SIK2: variants seen among roughly 807,000 people sequenced by gnomAD.
SIK2 encodes salt inducible kinase 2.
In SIK2, 29 loss-of-function variants were observed where a neutral mutation model predicts 103.2. That is an observed-to-expected ratio of 0.28 (90% CI 0.21 to 0.38). The LOEUF (loss-of-function observed/expected upper bound fraction) is 0.38. Ranked by LOEUF, SIK2 falls within the 10% of genes least tolerant of loss-of-function variation. SIK2 has a pLI of 1.00. For missense variants in SIK2, 879 were observed against 1,171.0 expected, an observed-to-expected ratio of 0.75 and a Z score of 3.64; for synonymous variants, 412 against 446.1, an observed-to-expected ratio of 0.92 and a Z score of 0.96.
Position 111,726,842 on chromosome 11 carries a change from C to G in SIK2, c.*2713C>G. The G allele has an allele frequency of 1.2e-6, 1 of 830,124 alleles. No homozygotes were observed. The highest frequency in any genetic ancestry group is 2.0e-6 in the Non-Finnish European group (1 of 507,094). The allele number at this position is 830,124 out of a possible 1,614,324, so 51.4% of individuals were successfully genotyped here. ...CTGTATCATCATCAGCTTCATCACC[C>G]TGTAAACCAGGCTCCTCTGAAGAGA... On this transcript the variant is annotated 3_prime_UTR_variant, in exon 15 of 15. Transcript: ENST00000304987.
intron 3 of SIK2, among the ~76,000 whole-genome samples, chr11:111,623,039 TATA>T (rs1246004062): frequency 6.6e-6 from 1 of 152,242 alleles, no homozygotes; most frequent in Admixed American, 6.5e-5. Flanking sequence ...CAGTCAAATG[TATA>T]TTAAACTGTT....
chr11:111,724,313 C>T lies in SIK2; in HGVS notation c.*184C>T. The T allele has an allele frequency of 2.3e-6, 2 of 852,682 alleles. No individual in the cohort carries two copies. Among genetic ancestry groups the T allele is most frequent in the South Asian group, 1.9e-5 (1 of 53,612 alleles). The allele number at this position is 852,682 out of a possible 1,614,324, so 52.8% of individuals were successfully genotyped here. On this transcript the variant is annotated 3_prime_UTR_variant, in exon 15 of 15. Coordinates refer to ENST00000304987, the MANE Select transcript of SIK2 (RefSeq NM_015191.3). ...TTGCTTCCTCCTGGTTCTGCCCCAC[C>T]ACAAAGTTTTCTGTGGCAAGTGCTG...
chr11:111,701,648 T>C lies in SIK2; in HGVS notation c.727+73T>C. 6.5e-7 allele frequency: 1 copy of C among 1,533,386 alleles called. No homozygotes were observed. The highest frequency in any genetic ancestry group is 2.3e-5 in the East Asian group (1 of 43,530). 95.0% of individuals were successfully genotyped at this position (1,533,386 alleles called of 1,614,324 possible). On this transcript the variant is annotated intron_variant, in intron 6 of 14. Coordinates refer to ENST00000304987, the MANE Select transcript of SIK2 (RefSeq NM_015191.3). The surrounding 1 kb of genome is among the most constrained non-coding windows in gnomAD (Gnocchi z 4.2). ...CCAAGTGAAATGCCTAGGTAAAAGC[T>C]TCTTTTTTTCTAAGAGTTTGGGTGC... is the stretch of plus-strand genomic sequence containing the variant.
Position 111,689,978 on chromosome 11 carries a change from G to A in SIK2, c.478+1816G>A, listed in dbSNP as rs561311980. On this transcript the variant is annotated intron_variant, in intron 4 of 14. Coordinates refer to ENST00000304987, the MANE Select transcript of SIK2 (RefSeq NM_015191.3). Reference sequence around the variant, plus strand: ...TTGTTATATTCATTTGTGTGTGTGTGTATGTGTATATATATATATATATCA... The same window carrying A: ...TTGTTATATTCATTTGTGTGTGTGTATATGTGTATATATATATATATATCA... 1.4e-4 allele frequency among the ~76,000 whole-genome samples: 19 copies of A among 131,224 alleles called. No individual in the cohort carries two copies. The East Asian group carries it at 3.5e-3, about 24-fold the overall frequency. The allele number at this position is 131,224 out of a possible 152,430, so 86.1% of individuals were successfully genotyped here.
Position 111,728,147 on chromosome 11 carries a change from T to A in SIK2, c.*4018T>A, listed in dbSNP as rs2135993844. 6.6e-6 allele frequency: 1 copy of A among 152,238 alleles called. No individual in the cohort carries two copies. The highest frequency in any genetic ancestry group is 1.9e-4 in the East Asian group (1 of 5,174). 9.4% of individuals were successfully genotyped at this position (152,238 alleles called of 1,614,324 possible). Reference sequence around the variant, plus strand: ...ACTCCTAAACTGGGCTGCCTCTAACTGCCTCCTGGGAAGCCACCCGAGCCA... The same window carrying A: ...ACTCCTAAACTGGGCTGCCTCTAACAGCCTCCTGGGAAGCCACCCGAGCCA... On this transcript the variant is annotated 3_prime_UTR_variant, in exon 15 of 15. Transcript: ENST00000304987.
In SIK2 at chr11:111,681,994, G is replaced by C. The variant is rs574047234; in HGVS notation, c.317-6007G>C. 3.3e-5 allele frequency among the ~76,000 whole-genome samples: 5 copies of C among 152,284 alleles called. No individual in the cohort carries two copies. The South Asian group carries it at 1.0e-3, about 32-fold the overall frequency. Reference sequence around the variant, plus strand: ...AAGGGTAAGTCCCAGTAAGCCGTGTGTTAACAAGCCCTCTGAGGGTTCTGA... The same window carrying C: ...AAGGGTAAGTCCCAGTAAGCCGTGTCTTAACAAGCCCTCTGAGGGTTCTGA... On this transcript the variant is annotated intron_variant, in intron 3 of 14. Coordinates refer to ENST00000304987, the MANE Select transcript of SIK2 (RefSeq NM_015191.3).
At chr11:111,673,841 A>G (rs1942661057) in intron 3 of SIK2, among the ~76,000 whole-genome samples, 1 of 152,164 alleles carries the variant, frequency 6.6e-6, no homozygotes, top group South Asian at 2.1e-4. Flanking sequence ...TGGGAGGCCA[A>G]GGCAGGTGGA....
At chr11:111,723,396 TAAG>T in intron 14 of SIK2, 97 bp from the exon 15 acceptor site, 2 of 1,306,556 alleles carry the variant, frequency 1.5e-6, no homozygotes, top group Non-Finnish European at 2.1e-6. Context: ...GAGAGAGACT[TAAG>T]TAGAAGACTG....
chr11:111,654,312 A>G (rs1261187245), intron 3 of SIK2, among the ~76,000 whole-genome samples: 1 of 152,168 alleles, frequency 6.6e-6, no homozygotes, highest in East Asian at 1.9e-4. Flanking sequence ...TCTGCCAGAT[A>G]TTTTATTTGC....
At chr11:111,630,213 G>A (rs560914282) in intron 3 of SIK2, among the ~76,000 whole-genome samples, 8 of 151,980 alleles carry the variant, frequency 5.3e-5, no homozygotes, top group Non-Finnish European at 1.2e-4. Flanking sequence ...AAAAGAAGCT[G>A]GACACAAAAG....
At chr11:111,685,808 C>T (rs1320329832) in intron 3 of SIK2, among the ~76,000 whole-genome samples, 1 of 152,146 alleles carries the variant, frequency 6.6e-6, no homozygotes, top group Admixed American at 6.5e-5. Context: ...TATAATTGCA[C>T]ACTGTACTGC....
chr11:111,694,598 A>G (rs939761437), intron 4 of SIK2, among the ~76,000 whole-genome samples: 1 of 152,176 alleles, frequency 6.6e-6, no homozygotes, highest in Non-Finnish European at 1.5e-5. Flanking sequence ...ATTTTTTAAA[A>G]ATTTTTAAGT....
chr11:111,612,833 C>T (rs1422753032), intron 1 of SIK2, among the ~76,000 whole-genome samples: 1 of 151,078 alleles, frequency 6.6e-6, no homozygotes, highest in Non-Finnish European at 1.5e-5. Context: ...TTACAAGGAA[C>T]ATGTTAACTC....
intron 3 of SIK2, among the ~76,000 whole-genome samples, chr11:111,658,638 A>C (rs1044776834): frequency 1.3e-5 from 2 of 152,040 alleles, no homozygotes; most frequent in Non-Finnish European, 2.9e-5. Context: ...AGCTACTCAG[A>C]GGCTGAGGTA....
In SIK2 at chr11:111,724,170, T is replaced by C. The variant is rs765160763; in HGVS notation, c.*41T>C. On this transcript the variant is annotated 3_prime_UTR_variant, in exon 15 of 15. Transcript: ENST00000304987. ...TGAGGTGGGTCAGGTGAAGGAAGAG[T>C]GTATGTTCCTATTTTTATTCCAGCC... is the stretch of plus-strand genomic sequence containing the variant. 1 of 1,561,618 alleles carries C rather than the reference T, an allele frequency of 6.4e-7. No individual in the cohort carries two copies. Among genetic ancestry groups the C allele is most frequent in the African/African-American group, 1.4e-5 (1 of 73,348 alleles).
intron 10 of SIK2, 70 bp from the exon 11 acceptor site, chr11:111,720,408 A>T: frequency 6.9e-7 from 1 of 1,449,202 alleles, no homozygotes. Context: ...CAAGCTGGTT[A>T]TGCTTTGTAC....
intron 3 of SIK2, among the ~76,000 whole-genome samples, chr11:111,678,187 C>T (rs1251935894): frequency 6.6e-6 from 1 of 152,096 alleles, no homozygotes; most frequent in Non-Finnish European, 1.5e-5. Context: ...AAAAAGAAGC[C>T]TTTCATGATC....
At chr11:111,633,130 A>G (rs1051228179) in intron 3 of SIK2, among the ~76,000 whole-genome samples, 20 of 152,164 alleles carry the variant, frequency 1.3e-4, no homozygotes, top group African/African-American at 4.8e-4. Flanking sequence ...GTTGATCTGG[A>G]GCCCTAAAGC....
At chr11:111,715,022 G>A (rs1029150043) in intron 9 of SIK2, among the ~76,000 whole-genome samples, 4 of 152,248 alleles carry the variant, frequency 2.6e-5, no homozygotes, top group Non-Finnish European at 4.4e-5. Flanking sequence ...GTATTATATA[G>A]GGCAAGCTAT....
Sources: gnomAD v4.1 joint callset for allele counts (sites outside exome capture counted in the v4.1 genomes callset) on GRCh38, gnomAD v4.1.1 for gene constraint, Gnocchi (gnomAD v3.1) non-coding constraint, MANE v1.5 for transcripts, NCBI Gene and HGNC (gene_info 2026-07-23, HGNC 2026-07-21) for gene names.